Variants in ZNF536 observed in about 807,000 individuals in gnomAD.
The protein encoded by ZNF536 is zinc finger protein 536.
Under a neutral mutation model 84.5 loss-of-function variants are expected in ZNF536, and 13 were observed. The observed-to-expected ratio is 0.15, with a 90% CI of 0.10 to 0.24. The LOEUF (loss-of-function observed/expected upper bound fraction) is 0.24. Ranked by LOEUF, ZNF536 falls within the 10% of genes least tolerant of loss-of-function variation. The pLI is 1.00. For missense variants in ZNF536, 1,536 were observed against 1,747.5 expected (o/e 0.88, Z 2.16); for synonymous variants, 811 against 742.5 (o/e 1.09, Z -1.50).
chr19:30,290,912 T>A (rs753587539), intron 2 of ZNF536, among the ~76,000 whole-genome samples: 11 of 152,200 alleles, frequency 7.2e-5, no homozygotes, highest in Non-Finnish European at 1.2e-4. Context: ...ATTGTTCAAC[T>A]CCCACTTATG....
chr19:30,410,465 C>CTTTTTTTTTTTTTTGTTT (rs2050435102), intron 1 of ZNF536, among the ~76,000 whole-genome samples: 1 of 122,632 alleles, frequency 8.2e-6, no homozygotes, highest in African/African-American at 4.0e-5. Flanking sequence ...AAGTGAAGGT[C>CTTTTTTTTTTTTTTGTTT]TTTTTTTTTT....
Position 30,445,833 on chromosome 19 carries a change from G to C in ZNF536, c.2170+101G>C, listed in dbSNP as rs370243563. The C allele has an allele frequency of 1.9e-5, 28 of 1,449,970 alleles. No individual in the cohort carries two copies. The highest frequency in any genetic ancestry group is 2.4e-5 in the Non-Finnish European group (26 of 1,093,588). 89.8% of individuals were successfully genotyped at this position (1,449,970 alleles called of 1,614,324 possible). A position where few individuals can be genotyped will look rare whatever the true frequency, so the allele number is the denominator to read the frequency against. ...CCTCCAGTCAGTTCCAAGGCCAGTGGGTCTTGATTGAGGACAGGGGTGGGT... is the reference window on the plus strand; with the variant it reads ...CCTCCAGTCAGTTCCAAGGCCAGTGCGTCTTGATTGAGGACAGGGGTGGGT... On this transcript the variant is annotated intron_variant, in intron 2 of 4. Coordinates refer to ENST00000355537, the MANE Select transcript of ZNF536 (RefSeq NM_014717.3). The surrounding 1 kb of genome is among the most constrained non-coding windows in gnomAD (Gnocchi z 4.5).
At chr19:30,497,335 G>C (rs2054763449) in intron 2 of ZNF536, among the ~76,000 whole-genome samples, 1 of 152,142 alleles carries the variant, frequency 6.6e-6, no homozygotes, top group African/African-American at 2.4e-5. Flanking sequence ...GCTTCCCATT[G>C]GCTGGGTCAT....
chr19:30,574,342 G>A (rs1033624427), intron 1 of ZNF536, among the ~76,000 whole-genome samples: 2 of 152,202 alleles, frequency 1.3e-5, no homozygotes, highest in Non-Finnish European at 2.9e-5. Context: ...AAGAAGCCAG[G>A]ATCCCAGGTG....
chr19:30,632,426 C>A lies in ZNF536; in HGVS notation c.170-78331C>A, dbSNP rs1056065588. 5.3e-5 allele frequency among the ~76,000 whole-genome samples: 8 copies of A among 152,152 alleles called. No individual in the cohort carries two copies. In the East Asian group the frequency reaches 1.5e-3, roughly 29 times the overall value. On this transcript the variant is annotated intron_variant, in intron 1 of 1. Transcript: ENST00000592773. ...TTCGAGATCAGTCTGTCCAACATGG[C>A]GAAACCCCATCTCTACTAAAAATAC... is the stretch of plus-strand genomic sequence containing the variant.
At chr19:30,658,885 G>A (rs2050016303) in intron 1 of ZNF536, among the ~76,000 whole-genome samples, 1 of 152,192 alleles carries the variant, frequency 6.6e-6, no homozygotes, top group African/African-American at 2.4e-5. Context: ...AATATACAGA[G>A]ACATAAACTT....
At chr19:30,624,237 T>C (rs2048594812) in intron 1 of ZNF536, among the ~76,000 whole-genome samples, 1 of 152,146 alleles carries the variant, frequency 6.6e-6, no homozygotes, top group Non-Finnish European at 1.5e-5. Flanking sequence ...CCCTCCTGTC[T>C]TTCCAGACCC....
intron 2 of ZNF536, among the ~76,000 whole-genome samples, chr19:30,305,156 A>G (rs2046306171): frequency 6.6e-6 from 1 of 152,160 alleles, no homozygotes; most frequent in Non-Finnish European, 1.5e-5. Context: ...TGGTTTTCCC[A>G]AATGGACTGG....
At chr19:30,394,096 T>G (rs1453613393) in intron 1 of ZNF536, among the ~76,000 whole-genome samples, 2 of 152,074 alleles carry the variant, frequency 1.3e-5, no homozygotes, top group Non-Finnish European at 2.9e-5. Flanking sequence ...CTCTATCAGA[T>G]CAGTGAGCAA....
intron 1 of ZNF536, among the ~76,000 whole-genome samples, chr19:30,684,184 G>T (rs530045649): frequency 4.5e-4 from 69 of 152,148 alleles, no homozygotes; most frequent in Non-Finnish European, 9.1e-4. Context: ...ACCCAGGCTC[G>T]AGTGCAATGG....
intron 2 of ZNF536, among the ~76,000 whole-genome samples, chr19:30,330,553 A>C (rs1317787173): frequency 2.0e-5 from 3 of 151,968 alleles, no homozygotes. Context: ...TTACATTGCC[A>C]CTCTGGGCCT....
At chr19:30,546,624 A>T (rs2045568686) in intron 3 of ZNF536, among the ~76,000 whole-genome samples, 1 of 152,224 alleles carries the variant, frequency 6.6e-6, no homozygotes, top group Non-Finnish European at 1.5e-5. Context: ...ACACAGTGAA[A>T]TGTCTTCAGA....
intron 2 of ZNF536, among the ~76,000 whole-genome samples, chr19:30,463,279 T>A (rs796687894): frequency 6.6e-6 from 1 of 152,316 alleles, no homozygotes; most frequent in African/African-American, 2.4e-5. Context: ...TTGCCCCTTT[T>A]TCCAAAACCT....
At chr19:30,564,100 G>A (rs1259265296) in intron 1 of ZNF536, among the ~76,000 whole-genome samples, 6 of 152,148 alleles carry the variant, frequency 3.9e-5, no homozygotes, top group Non-Finnish European at 7.4e-5. Flanking sequence ...TGAAGATAGA[G>A]GGAGAGAAGT....
rs2148199181 is a variant in ZNF536, at chr19:30,444,805, A to G, written c.1243A>G (p.Met415Val). 6.2e-7 allele frequency: 1 copy of G among 1,613,888 alleles called. No homozygotes were observed. ...CAGCGACCCCGAGGTGCCTGTGCCCATGGGCGGCATGTCCCAGGAGGCCCA... is the reference window on the plus strand; with the variant it reads ...CAGCGACCCCGAGGTGCCTGTGCCCGTGGGCGGCATGTCCCAGGAGGCCCA... ...SPSDPEVPVP[M>V]GGMSQEAHAN... The change falls in exon 2 of 5, where the codon ATG becomes GTG. Residue 415 changes from methionine to valine, a missense_variant. This residue lies in a region of ZNF536 where 366 missense variants were observed against 364.4 expected (regional missense o/e 1.00). Coordinates refer to ENST00000355537, the MANE Select transcript of ZNF536 (RefSeq NM_014717.3).
intron 1 of ZNF536, among the ~76,000 whole-genome samples, chr19:30,698,663 C>T (rs2051764862): frequency 1.3e-5 from 2 of 152,136 alleles, no homozygotes; most frequent in Admixed American, 6.5e-5. Flanking sequence ...GGAAGGAAGA[C>T]CACAAAGGTA....
chr19:30,542,654 T>A (rs552073606), intron 3 of ZNF536, among the ~76,000 whole-genome samples: 1 of 152,318 alleles, frequency 6.6e-6, no homozygotes, highest in Admixed American at 6.5e-5. Context: ...CTTCCTTTAG[T>A]GGGCAAAGAG....
intron 2 of ZNF536, among the ~76,000 whole-genome samples, chr19:30,336,188 C>T (rs767397313): frequency 2.0e-5 from 3 of 152,178 alleles, no homozygotes; most frequent in Admixed American, 6.5e-5. Flanking sequence ...TGCTTGATCA[C>T]GGGGGACTTG....
At chr19:30,506,157 T>A (rs60743458) in intron 2 of ZNF536, among the ~76,000 whole-genome samples, 16,687 of 152,096 alleles carry the variant, frequency 0.11, 1,077 homozygotes, top group Non-Finnish European at 0.15. Context: ...ATATAAATAT[T>A]CCTATTTATA....
Sources: allele counts gnomAD v4.1 joint callset (sites outside exome capture counted in the v4.1 genomes callset), GRCh38; gene constraint gnomAD v4.1.1; regional missense constraint gnomAD v4.1.1; non-coding constraint Gnocchi (gnomAD v3.1); transcripts MANE v1.5; gene names NCBI Gene and HGNC (gene_info 2026-07-23, HGNC 2026-07-21).